The following CNTNAP4 variants were observed in gnomAD, a reference collection of about 807,000 sequenced individuals.
CNTNAP4 encodes the protein contactin-associated protein-like 4.
In CNTNAP4, 98 loss-of-function variants were observed where a neutral mutation model predicts 148.4. That is an observed-to-expected ratio of 0.66 (90% CI 0.56 to 0.78). CNTNAP4 has a LOEUF of 0.78. CNTNAP4 is among the 30% of genes least tolerant of loss of function. The pLI, the probability that CNTNAP4 is intolerant of heterozygous loss-of-function variation, is 0.00. For synonymous variants in CNTNAP4, 730 were observed against 565.1 expected, an observed-to-expected ratio of 1.29 and a Z score of -4.14; for missense variants, 1,935 against 1,565.6, an observed-to-expected ratio of 1.24 and a Z score of -3.98.
Position 76,479,468 on chromosome 16 carries a change from A to C in CNTNAP4, c.1812A>C (p.Ser604=). The change falls in exon 12 of 24, where the codon TCA becomes TCC. Residue 604 remains serine, a synonymous_variant. Transcript: ENST00000611870. ...CEAYKHRGNT[S]GFYYIDSDGS... is the part of the protein sequence containing the mutation. Reference sequence around the variant, plus strand: ...CCTATAAGCACAGAGGAAATACTTCAGGGTTTTACTATATAGATTCAGATG... The same window carrying C: ...CCTATAAGCACAGAGGAAATACTTCCGGGTTTTACTATATAGATTCAGATG... 6.2e-7 allele frequency: 1 copy of C among 1,610,890 alleles called. No homozygotes were observed. The highest frequency in any genetic ancestry group is 8.5e-7 in the Non-Finnish European group (1 of 1,178,540).
rs572393962 is a variant in CNTNAP4, at chr16:76,334,581, A to G, written c.196+18058A>G. Among the ~76,000 whole-genome samples, 101 of 152,278 alleles carry G rather than the reference A, an allele frequency of 6.6e-4. 3 individuals carry two copies. The South Asian group carries it at 0.017, about 25-fold the overall frequency. On this transcript the variant is annotated intron_variant, in intron 2 of 23. Transcript: ENST00000611870. ...ACACAAAATGTGCTTTTTAATAAGG[A>G]TTTTATACTTTTTTTCTATAATGGG...
chr16:76,442,033 T>C (rs1275229840), intron 4 of CNTNAP4, among the ~76,000 whole-genome samples: 7 of 152,150 alleles, frequency 4.6e-5, no homozygotes, highest in Middle Eastern at 3.2e-3. Flanking sequence ...TGTGTTACCA[T>C]GGCAAAAGCG....
intron 21 of CNTNAP4, 79 bp from the exon 22 acceptor site, chr16:76,553,204 C>A: frequency 2.5e-6 from 2 of 792,734 alleles, no homozygotes; most frequent in Non-Finnish European, 4.1e-6. Context: ...ATTGCATTAG[C>A]TCAGAATCCT....
intron 4 of CNTNAP4, among the ~76,000 whole-genome samples, chr16:76,442,466 T>G (rs1329592641): frequency 1.3e-5 from 2 of 152,148 alleles, no homozygotes; most frequent in Non-Finnish European, 2.9e-5. Context: ...CTGGGTAATT[T>G]ATTAAAAATA....
In CNTNAP4 at chr16:76,505,786, G is replaced by C. The variant is rs1345015383; in HGVS notation, c.2365+7092G>C. On this transcript the variant is annotated intron_variant, in intron 15 of 23. Transcript: ENST00000611870. ...GCAGTGGCTCAAACCTATAATCCCA[G>C]GGCTATAGGAGGTCAAGGTGGGAGG... Among the ~76,000 whole-genome samples, 7 of 96,932 alleles carry C rather than the reference G, an allele frequency of 7.2e-5. 2 individuals carry two copies. Among genetic ancestry groups the C allele is most frequent in the South Asian group, 4.1e-4 (1 of 2,412 alleles). 63.6% of individuals were successfully genotyped at this position (96,932 alleles called of 152,430 possible).
rs1455105817 is a variant in CNTNAP4, at chr16:76,385,782, T to G, written c.390+30271T>G. ...ACCTTATATAGTCTGTAGTGCTGAT[T>G]TATTAATATTGAGCTCATGGCCAAC... On this transcript the variant is annotated intron_variant, in intron 3 of 23. Transcript: ENST00000611870. Among the ~76,000 whole-genome samples, 3 of 152,124 alleles carry G rather than the reference T, an allele frequency of 2.0e-5. No individual in the cohort carries two copies. The East Asian group carries it at 5.8e-4, about 29-fold the overall frequency.
chr16:76,477,430 A>G (rs1472813543), intron 11 of CNTNAP4, among the ~76,000 whole-genome samples: 1 of 152,028 alleles, frequency 6.6e-6, no homozygotes, highest in Non-Finnish European at 1.5e-5. Context: ...CATCAGTCTC[A>G]CCACCCTTGG....
chr16:76,290,310 C>T (rs1959061156), intron 1 of CNTNAP4, among the ~76,000 whole-genome samples: 1 of 152,188 alleles, frequency 6.6e-6, no homozygotes, highest in South Asian at 2.1e-4. Flanking sequence ...ATCTCCTCTC[C>T]TGAATATCAA....
chr16:76,312,624 G>T (rs142282659), intron 1 of CNTNAP4, among the ~76,000 whole-genome samples: 1 of 152,272 alleles, frequency 6.6e-6, no homozygotes, highest in East Asian at 1.9e-4. Flanking sequence ...CTCCTTGAGA[G>T]AATTTGTTCA....
rs2082862236 is a variant in CNTNAP4, at chr16:76,507,058, T to A, written c.2365+8364T>A. Among the ~76,000 whole-genome samples the A allele has an allele frequency of 2.1e-5, 2 of 97,390 alleles. 1 individual carries two copies. The highest frequency in any genetic ancestry group is 2.0e-4 in the Admixed American group (2 of 10,002). The allele number at this position is 97,390 out of a possible 152,430, so 63.9% of individuals were successfully genotyped here. Reference sequence around the variant, plus strand: ...CATTCATTTTTCTAGCAATTTACATTTTTAATTTTTAATTTTAAAAATGTA... The same window carrying A: ...CATTCATTTTTCTAGCAATTTACATATTTAATTTTTAATTTTAAAAATGTA... On this transcript the variant is annotated intron_variant, in intron 15 of 23. Coordinates refer to ENST00000611870, the MANE Select transcript of CNTNAP4 (RefSeq NM_033401.5).
At chr16:76,509,550 G>A (rs11149911) in intron 15 of CNTNAP4, among the ~76,000 whole-genome samples, 38,123 of 96,364 alleles carry the variant, frequency 0.4, 16,988 homozygotes, top group East Asian at 0.84. Flanking sequence ...AAGTGATCCC[G>A]CTAAACTTAC....
At chr16:76,329,677 G>A (rs368419942) in intron 2 of CNTNAP4, among the ~76,000 whole-genome samples, 7 of 152,190 alleles carry the variant, frequency 4.6e-5, no homozygotes, top group East Asian at 3.9e-4. Flanking sequence ...TTTAAGTGAC[G>A]TAAGGATTAT....
intron 1 of CNTNAP4, among the ~76,000 whole-genome samples, chr16:76,293,934 C>T (rs1263737759): frequency 1.3e-5 from 2 of 151,724 alleles, no homozygotes; most frequent in Admixed American, 1.3e-4. Context: ...TTATGTTCTA[C>T]AGTCATTTCC....
At chr16:76,373,286 A>AT (rs2015054909) in intron 3 of CNTNAP4, among the ~76,000 whole-genome samples, 1 of 151,880 alleles carries the variant, frequency 6.6e-6, no homozygotes, top group African/African-American at 2.4e-5. Context: ...TATTCCACAT[A>AT]AATATGTGAA....
At position 76,558,794 on chromosome 16, in the gene CNTNAP4, C is replaced by A; in HGVS notation, c.*111C>A. On this transcript the variant is annotated 3_prime_UTR_variant, in exon 24 of 24. Coordinates refer to ENST00000611870, the MANE Select transcript of CNTNAP4 (RefSeq NM_033401.5). ...GAATGTACAGGCAGTGGGCTTGCAG[C>A]ACTGCCATCTTGCCATGTACAGGCT... 1.3e-6 allele frequency: 1 copy of A among 778,930 alleles called. No individual in the cohort carries two copies. The highest frequency in any genetic ancestry group is 2.0e-6 in the Non-Finnish European group (1 of 501,152). 48.3% of individuals were successfully genotyped at this position (778,930 alleles called of 1,614,324 possible).
intron 2 of CNTNAP4, among the ~76,000 whole-genome samples, chr16:76,320,302 A>G (rs1290775202): frequency 6.6e-6 from 1 of 152,196 alleles, no homozygotes; most frequent in Non-Finnish European, 1.5e-5. Flanking sequence ...TAGAAAAGGT[A>G]TACCTTTGTT....
At chr16:76,543,131 A>G (rs1405550342) in intron 21 of CNTNAP4, among the ~76,000 whole-genome samples, 1 of 152,168 alleles carries the variant, frequency 6.6e-6, no homozygotes, top group African/African-American at 2.4e-5. Flanking sequence ...GAAAAGTGAA[A>G]GTCCAAACTG....
intron 3 of CNTNAP4, among the ~76,000 whole-genome samples, chr16:76,382,060 C>CAAAAAAA (rs67028367): frequency 3.6e-4 from 19 of 53,326 alleles, no homozygotes; most frequent in African/African-American, 4.5e-4. Context: ...GACTCCGTCT[C>CAAAAAAA]AAAAAAAAAA....
intron 16 of CNTNAP4, 55 bp from the exon 17 acceptor site, chr16:76,521,983 CT>C (rs1475887090): frequency 1.3e-6 from 2 of 1,495,364 alleles, no homozygotes; most frequent in Admixed American, 3.3e-5. Flanking sequence ...ATATTGGAGA[CT>C]CGGCACTTCG....
Sources: allele counts gnomAD v4.1 joint callset (sites outside exome capture counted in the v4.1 genomes callset), GRCh38; gene constraint gnomAD v4.1.1; transcripts MANE v1.5; gene names NCBI Gene and HGNC (gene_info 2026-07-23, HGNC 2026-07-21).